Variants in GALK2 observed in about 807,000 individuals in gnomAD.
GALK2 encodes galactokinase 2, also known as N-acetylgalactosamine kinase.
Under a neutral mutation model 52.4 loss-of-function variants are expected in GALK2, and 36 were observed. The observed-to-expected ratio is 0.69, with a 90% CI of 0.53 to 0.91. The LOEUF is 0.91. GALK2 is among the 40% of genes least tolerant of loss of function. The pLI is 0.00. For synonymous variants in GALK2, 176 were observed against 199.1 expected (o/e 0.88, Z 0.98); for missense variants, 579 against 559.1 (o/e 1.04, Z -0.36).
At chr15:49,201,899 A>T (rs1297027235) in intron 2 of GALK2, among the ~76,000 whole-genome samples, 1 of 152,082 alleles carries the variant, frequency 6.6e-6, no homozygotes, top group Non-Finnish European at 1.5e-5. Context: ...AATTCCACAG[A>T]TGGGGTAATT....
intron 3 of GALK2, among the ~76,000 whole-genome samples, chr15:49,349,910 A>G (rs1483996300): frequency 6.6e-6 from 1 of 152,194 alleles, no homozygotes; most frequent in Non-Finnish European, 1.5e-5. Context: ...AAGGGGAAAA[A>G]AAATCCAACC....
chr15:49,326,387 G>A (rs2037500805), intron 9 of GALK2, among the ~76,000 whole-genome samples: 1 of 151,026 alleles, frequency 6.6e-6, no homozygotes, highest in South Asian at 2.1e-4. Flanking sequence ...AGCCTCCTGA[G>A]TAGCTGGGAT....
intron 3 of GALK2, among the ~76,000 whole-genome samples, chr15:49,222,675 C>G (rs1042119144): frequency 6.6e-6 from 1 of 152,138 alleles, no homozygotes; most frequent in African/African-American, 2.4e-5. Flanking sequence ...CTTTATTCTA[C>G]TGATGCGATG....
intron 5 of GALK2, among the ~76,000 whole-genome samples, chr15:49,262,744 A>C (rs146853353): frequency 7.2e-6 from 1 of 137,976 alleles, no homozygotes; most frequent in Non-Finnish European, 1.6e-5. Flanking sequence ...CTTTGAATGC[A>C]TCCCAGAGAT....
chr15:49,240,614 A>C (rs889831702), intron 5 of GALK2, among the ~76,000 whole-genome samples: 29 of 152,236 alleles, frequency 1.9e-4, no homozygotes, highest in African/African-American at 6.8e-4. Context: ...TATTGATGGC[A>C]TGATAACACT....
chr15:49,350,970 G>A (rs570172220), intron 3 of GALK2, among the ~76,000 whole-genome samples: 2 of 152,294 alleles, frequency 1.3e-5, no homozygotes, highest in Admixed American at 1.3e-4. Flanking sequence ...AGGCCACCAT[G>A]TACCACTGAG....
intron 8 of GALK2, among the ~76,000 whole-genome samples, chr15:49,316,935 C>T (rs1055975323): frequency 1.3e-5 from 2 of 152,178 alleles, no homozygotes; most frequent in Non-Finnish European, 2.9e-5. Flanking sequence ...AAGGGACTCA[C>T]TGGTGTAGTC....
intron 8 of GALK2, among the ~76,000 whole-genome samples, chr15:49,306,436 T>C (rs1384581969): frequency 1.3e-5 from 2 of 152,184 alleles, no homozygotes; most frequent in Admixed American, 6.5e-5. Flanking sequence ...ATAATCCTTA[T>C]TATTATTTAA....
chr15:49,222,514 A>G (rs1328036434), intron 3 of GALK2, among the ~76,000 whole-genome samples: 1 of 152,076 alleles, frequency 6.6e-6, no homozygotes, highest in Non-Finnish European at 1.5e-5. Flanking sequence ...ATTTGATATG[A>G]TGTTAGCTGT....
intron 3 of GALK2, among the ~76,000 whole-genome samples, chr15:49,338,645 T>G (rs907455801): frequency 2.6e-5 from 4 of 152,232 alleles, no homozygotes; most frequent in Non-Finnish European, 5.9e-5. Context: ...TGGTGTTCTC[T>G]GTATTTCCTG....
At chr15:49,317,194 G>A (rs2036490479) in intron 8 of GALK2, among the ~76,000 whole-genome samples, 1 of 152,084 alleles carries the variant, frequency 6.6e-6, no homozygotes, top group South Asian at 2.1e-4. Context: ...CATTATACAG[G>A]TAGCAATTTG....
chr15:49,358,652 G>C (rs1337769413), intron 3 of GALK2, among the ~76,000 whole-genome samples: 9 of 150,020 alleles, frequency 6.0e-5, no homozygotes, highest in African/African-American at 2.0e-4. Context: ...CGTGAAAATG[G>C]CCATACAGCC....
At chr15:49,289,859 T>C (rs2033760458) in intron 7 of GALK2, among the ~76,000 whole-genome samples, 1 of 152,156 alleles carries the variant, frequency 6.6e-6, no homozygotes, top group Non-Finnish European at 1.5e-5. Context: ...TTTAGCACCA[T>C]TTATCAGTGC....
chr15:49,364,616 T>C (rs1048190022), intron 3 of GALK2, among the ~76,000 whole-genome samples: 2 of 152,214 alleles, frequency 1.3e-5, no homozygotes, highest in African/African-American at 4.8e-5. Flanking sequence ...AATATGCACT[T>C]ACATTTATTC....
At chr15:49,264,589 C>T (rs1245810293) in intron 5 of GALK2, among the ~76,000 whole-genome samples, 10 of 152,318 alleles carry the variant, frequency 6.6e-5, no homozygotes, top group African/African-American at 2.4e-4. Context: ...AGTCATTCTC[C>T]ATCCAGCTTT....
chr15:49,283,589 T>C lies in GALK2; in HGVS notation c.627T>C (p.Pro209=). ...EGTAKLIEFS[P]LRATDVKLPS... is the part of the protein sequence containing the mutation. Reference sequence around the variant, plus strand: ...AGGCCAAGTTGATAGAATTTAGTCCTCTGAGGGCAACCGATGTAAAACTCC... The same window carrying C: ...AGGCCAAGTTGATAGAATTTAGTCCCCTGAGGGCAACCGATGTAAAACTCC... Residue 209 remains proline, a synonymous_variant, in exon 7 of 10, where the codon CCT becomes CCC. Transcript: ENST00000560031. The C allele has an allele frequency of 1.2e-6, 2 of 1,613,856 alleles. No individual in the cohort carries two copies. The highest frequency in any genetic ancestry group is 1.7e-6 in the Non-Finnish European group (2 of 1,179,800).
intron 1 of GALK2, among the ~76,000 whole-genome samples, chr15:49,186,830 C>T (rs1473879921): frequency 1.3e-5 from 2 of 152,156 alleles, no homozygotes; most frequent in Non-Finnish European, 2.9e-5. Flanking sequence ...AGCCACTGCG[C>T]CTGGTCTGTT....
chr15:49,340,866 AGGTTTTCTT>A, intron 3 of GALK2, among the ~76,000 whole-genome samples: 1 of 152,092 alleles, frequency 6.6e-6, no homozygotes, highest in African/African-American at 2.4e-5. Flanking sequence ...GGTGTTTTCT[AGGTTTTCTT>A]CTAGGATTCT....
At chr15:49,334,028 A>G (rs1212366025), downstream of GALK2, among the ~76,000 whole-genome samples, 1 of 152,222 alleles carries the variant, frequency 6.6e-6, no homozygotes, top group Admixed American at 6.6e-5. Flanking sequence ...CTATGGCTGG[A>G]GAGTAAAAAT....
Sources: allele counts gnomAD v4.1 joint callset (sites outside exome capture counted in the v4.1 genomes callset), GRCh38; gene constraint gnomAD v4.1.1; transcripts MANE v1.5; gene names NCBI Gene and HGNC (gene_info 2026-07-23, HGNC 2026-07-21).